The following SORCS1 variants were observed in gnomAD, a reference collection of about 807,000 sequenced individuals.
The protein encoded by SORCS1 is sortilin related VPS10 domain containing receptor 1, also known as VPS10 domain-containing receptor SorCS1.
Under a neutral mutation model 146.1 loss-of-function variants are expected in SORCS1, and 60 were observed. The ratio of observed to expected loss-of-function variants is 0.41; its 90% CI spans 0.33 to 0.51. The LOEUF (loss-of-function observed/expected upper bound fraction) is 0.51. Among genes scored for constraint, SORCS1 ranks in the 20% least tolerant of loss-of-function variants. The pLI is 0.21. For synonymous variants in SORCS1, 637 were observed against 584.0 expected, an observed-to-expected ratio of 1.09 and a Z score of -1.31; for missense variants, 1,352 against 1,487.6, an observed-to-expected ratio of 0.91 and a Z score of 1.50.
intron 1 of SORCS1, among the ~76,000 whole-genome samples, chr10:107,013,786 GATACAGAACC>G (rs1589929636): frequency 6.6e-6 from 1 of 152,046 alleles, no homozygotes; most frequent in East Asian, 1.9e-4. Context: ...ATGCTACAAG[GATACAGAACC>G]AGGTTGTTGA....
intron 2 of SORCS1, among the ~76,000 whole-genome samples, chr10:106,922,109 A>T (rs1952741882): frequency 6.6e-6 from 1 of 152,242 alleles, no homozygotes; most frequent in Non-Finnish European, 1.5e-5. Context: ...AGGTCTCCTC[A>T]GGTGGTGAAC....
intron 1 of SORCS1, among the ~76,000 whole-genome samples, chr10:106,963,255 A>C (rs954076495): frequency 6.6e-6 from 1 of 151,324 alleles, no homozygotes; most frequent in Non-Finnish European, 1.5e-5. Flanking sequence ...AGCTGGGACT[A>C]CAGGCGCCCA....
chr10:107,121,561 T>C (rs1347703299), intron 1 of SORCS1, among the ~76,000 whole-genome samples: 1 of 152,068 alleles, frequency 6.6e-6, no homozygotes, highest in Non-Finnish European at 1.5e-5. Context: ...GGGAAAGGCA[T>C]TAAATGTAAA....
intron 6 of SORCS1, among the ~76,000 whole-genome samples, chr10:106,711,151 A>G (rs1564885882): frequency 6.6e-6 from 1 of 152,192 alleles, no homozygotes; most frequent in African/African-American, 2.4e-5. Flanking sequence ...AGATCCTAAT[A>G]CTGTTCCTGG....
intron 1 of SORCS1, among the ~76,000 whole-genome samples, chr10:106,959,951 A>T (rs1020704136): frequency 1.3e-5 from 2 of 152,198 alleles, no homozygotes; most frequent in Non-Finnish European, 2.9e-5. Flanking sequence ...TCAATCAAAA[A>T]GCAAAGCTGT....
At chr10:106,887,337 T>G (rs60638647) in intron 2 of SORCS1, among the ~76,000 whole-genome samples, 1 of 152,302 alleles carries the variant, frequency 6.6e-6, no homozygotes, top group East Asian at 1.9e-4. Context: ...TACAGTATTT[T>G]GGGTTAAAAA....
chr10:106,776,487 C>T (rs757848476), intron 4 of SORCS1, 47 bp downstream of exon 4: 3 of 1,604,456 alleles, frequency 1.9e-6, no homozygotes, highest in Non-Finnish European at 2.6e-6. Context: ...CACTATTTTC[C>T]CCGGAGAACC....
At chr10:106,760,690 CACAA>C (rs1589820479) in intron 5 of SORCS1, among the ~76,000 whole-genome samples, 1 of 134,140 alleles carries the variant, frequency 7.5e-6, no homozygotes, top group Non-Finnish European at 1.6e-5. Flanking sequence ...ACTACATACA[CACAA>C]ACACACACAC....
chr10:106,776,689 T>C lies in SORCS1; in HGVS notation c.730A>G (p.Met244Val), dbSNP rs1458282597. 1.1e-5 allele frequency: 17 copies of C among 1,606,808 alleles called. No individual in the cohort carries two copies. Among genetic ancestry groups the C allele is most frequent in the Non-Finnish European group, 1.4e-5 (17 of 1,175,408 alleles). Residue 244 changes from methionine (M) to valine (V), a missense_variant, in exon 4 of 26, where the codon ATG (methionine) becomes GTG (valine). Coordinates refer to ENST00000263054, the MANE Select transcript of SORCS1 (RefSeq NM_052918.5). ...YVCPTNKRKI[M>V]LLTDPEIESS... ...TCAATCTCCGGGTCTGTGAGTAACA[T>C]TATCTGCAGCAAAGAATTGTTGGAG...
intron 9 of SORCS1, among the ~76,000 whole-genome samples, chr10:106,694,152 A>G (rs1364164977): frequency 1.3e-5 from 2 of 152,212 alleles, no homozygotes; most frequent in Non-Finnish European, 2.9e-5. Flanking sequence ...ACTGGCCAAG[A>G]AAAACCTAAA....
chr10:107,014,278 G>GAA (rs749134517), intron 1 of SORCS1, among the ~76,000 whole-genome samples: 32 of 138,300 alleles, frequency 2.3e-4, no homozygotes, highest in African/African-American at 8.9e-4. Context: ...AAAAAGAAAA[G>GAA]AAAAAAAGAG....
chr10:106,982,676 T>A (rs1956286073), intron 1 of SORCS1, among the ~76,000 whole-genome samples: 1 of 152,196 alleles, frequency 6.6e-6, no homozygotes, highest in Non-Finnish European at 1.5e-5. Context: ...CTCAGTTCCT[T>A]AAAGGAATCA....
chr10:106,757,661 T>C (rs947154857), intron 5 of SORCS1, among the ~76,000 whole-genome samples: 7 of 152,214 alleles, frequency 4.6e-5, no homozygotes, highest in African/African-American at 1.4e-4. Context: ...TTGTGAGCCA[T>C]TTGACAAGCA....
chr10:106,954,391 A>C (rs1236332108), intron 2 of SORCS1, among the ~76,000 whole-genome samples: 2 of 152,156 alleles, frequency 1.3e-5, no homozygotes, highest in African/African-American at 4.8e-5. Flanking sequence ...GAATTGAAGC[A>C]ATATAGTAGG....
chr10:106,772,846 AGG>A (rs1386073309), intron 4 of SORCS1, among the ~76,000 whole-genome samples: 1 of 152,142 alleles, frequency 6.6e-6, no homozygotes, highest in African/African-American at 2.4e-5. Context: ...CAATTAGAGC[AGG>A]GTACCGCAGC....
Position 107,088,173 on chromosome 10 carries a change from C to A in SORCS1, c.558+75796G>T, listed in dbSNP as rs144668475. On this transcript the variant is annotated intron_variant, in intron 1 of 25. Coordinates refer to ENST00000263054, the MANE Select transcript of SORCS1 (RefSeq NM_052918.5). ...AAAGTGCTGGGATTACAGGGGTGAG[C>A]CACCGTGCCCGGCCTGAATTTATTT... 3.4e-3 allele frequency among the ~76,000 whole-genome samples: 519 copies of A among 152,164 alleles called. 9 individuals carry two copies. The highest frequency in any genetic ancestry group is 0.012 in the African/African-American group (495 of 41,494).
intron 1 of SORCS1, among the ~76,000 whole-genome samples, chr10:106,959,846 T>C (rs1955139361): frequency 6.6e-6 from 1 of 152,262 alleles, no homozygotes; most frequent in Non-Finnish European, 1.5e-5. Flanking sequence ...AAATGTTGTA[T>C]GTGCTTAAAT....
chr10:106,922,531 T>C (rs1202211369), intron 2 of SORCS1, among the ~76,000 whole-genome samples: 1 of 152,160 alleles, frequency 6.6e-6, no homozygotes, highest in Non-Finnish European at 1.5e-5. Context: ...TTATTAGGCT[T>C]CTTTTAAGGG....
intron 5 of SORCS1, among the ~76,000 whole-genome samples, chr10:106,736,913 T>C (rs539393577): frequency 2.0e-5 from 3 of 152,336 alleles, no homozygotes; most frequent in South Asian, 2.1e-4. Context: ...ATCTCCTCAA[T>C]GCACAATGGC....
Sources: gnomAD v4.1 joint callset for allele counts (sites outside exome capture counted in the v4.1 genomes callset) on GRCh38, gnomAD v4.1.1 for gene constraint, MANE v1.5 for transcripts, NCBI Gene and HGNC (gene_info 2026-07-23, HGNC 2026-07-21) for gene names.